The following TIMP2 variants were observed in gnomAD, a reference collection of about 807,000 sequenced individuals.
TIMP2 encodes TIMP metallopeptidase inhibitor 2.
Under a neutral mutation model 24.3 loss-of-function variants are expected in TIMP2, and 5 were observed. The observed-to-expected ratio is 0.21, with a 90% CI of 0.11 to 0.43. TIMP2 has a LOEUF of 0.43. TIMP2 is among the 20% of genes least tolerant of loss of function. The probability of loss-of-function intolerance (pLI) is 1.00; values close to 1 mark genes in which losing one functional copy is unlikely to be tolerated. For missense variants in TIMP2, 221 were observed against 297.5 expected (o/e 0.74, Z 1.89); for synonymous variants, 130 against 123.2 (o/e 1.06, Z -0.37).
intron 2 of TIMP2, among the ~76,000 whole-genome samples, chr17:78,873,575 G>T (rs1030109815): frequency 6.6e-6 from 1 of 152,228 alleles, no homozygotes; most frequent in East Asian, 1.9e-4. Context: ...TTACAGGTGT[G>T]AGCCGCAACG....
intron 1 of TIMP2, among the ~76,000 whole-genome samples, chr17:78,892,888 G>A (rs1872701216): frequency 6.6e-6 from 1 of 152,152 alleles, no homozygotes; most frequent in Admixed American, 6.5e-5. Context: ...CCACCCAAAG[G>A]GCAAGGGTTA....
At chr17:78,918,332 G>T (rs1028108645) in intron 1 of TIMP2, among the ~76,000 whole-genome samples, 10 of 152,190 alleles carry the variant, frequency 6.6e-5, no homozygotes, top group Admixed American at 4.6e-4. Flanking sequence ...GTTGTAAGGT[G>T]GGAATCATCG....
At position 78,913,749 on chromosome 17, in the gene TIMP2, G is replaced by A. The variant is rs529729496; in HGVS notation, c.130+11210C>T. Reference sequence around the variant, plus strand: ...CAAAAAAAAACAAAAAACATAGGCCGGGCACAGTGGCTCACACCTGTAATC... The same window carrying A: ...CAAAAAAAAACAAAAAACATAGGCCAGGCACAGTGGCTCACACCTGTAATC... On this transcript the variant is annotated intron_variant, in intron 1 of 4. Coordinates refer to ENST00000262768, the MANE Select transcript of TIMP2 (RefSeq NM_003255.5). 2.2e-4 allele frequency among the ~76,000 whole-genome samples: 33 copies of A among 151,590 alleles called. 1 individual carries two copies. In the South Asian group the frequency reaches 5.9e-3, roughly 27 times the overall value.
intron 1 of TIMP2, chr17:78,892,245 C>A: frequency 6.4e-7 from 1 of 1,550,942 alleles, no homozygotes; most frequent in South Asian, 1.2e-5. Context: ...TCGCCTTTGC[C>A]CCGGGCTTGT....
intron 1 of TIMP2, chr17:78,901,913 T>C: frequency 1.6e-6 from 1 of 625,408 alleles, no homozygotes; most frequent in South Asian, 1.8e-5. Context: ...TTGTAGGTAG[T>C]GAGACGCCCA....
In TIMP2 at chr17:78,891,077, T is replaced by G. The variant is rs1252296529; in HGVS notation, c.131-17158A>C. The G allele has an allele frequency of 1.3e-6, 2 of 1,550,984 alleles. No individual in the cohort carries two copies. The highest frequency in any genetic ancestry group is 2.0e-5 in the Admixed American group (1 of 51,008). ...GGAGCCCTCTGCCAGCGTGCCCAGT[T>G]TGGGGGTCTCTTGTCCAGATTCAGT... On this transcript the variant is annotated intron_variant, in intron 1 of 4. Transcript: ENST00000262768. This position sits in a 1 kb window ranked among gnomAD's most constrained non-coding sequence, Gnocchi z 4.5.
At position 78,924,512 on chromosome 17, in the gene TIMP2, C is replaced by T. The variant is rs1412614144; in HGVS notation, c.130+447G>A. Among the ~76,000 whole-genome samples the T allele has an allele frequency of 6.6e-6, 1 of 152,180 alleles. No homozygotes were observed. Among genetic ancestry groups the T allele is most frequent in the Non-Finnish European group, 1.5e-5 (1 of 68,030 alleles). ...GGTGGGAGAAGCCCCAGCAGAGAAG[C>T]CCTTCCCCACCCAGCCCCAAGCCCA... On this transcript the variant is annotated intron_variant, in intron 1 of 4. Transcript: ENST00000262768. This position sits in a 1 kb window ranked among gnomAD's most constrained non-coding sequence, Gnocchi z 5.3.
chr17:78,896,494 C>A lies in TIMP2; in HGVS notation c.131-22575G>T, dbSNP rs952376399. Among the ~76,000 whole-genome samples the A allele has an allele frequency of 6.6e-6, 1 of 152,150 alleles. No individual in the cohort carries two copies. Among genetic ancestry groups the A allele is most frequent in the Non-Finnish European group, 1.5e-5 (1 of 68,026 alleles). On this transcript the variant is annotated intron_variant, in intron 1 of 4. Transcript: ENST00000262768. This position sits in a 1 kb window ranked among gnomAD's most constrained non-coding sequence, Gnocchi z 4.4. ...ACAGCTCCCCTCCCAGAGGCACCTGCCCTCTCTGGTTGCTTAGAATATTCT... is the reference window on the plus strand; with the variant it reads ...ACAGCTCCCCTCCCAGAGGCACCTGACCTCTCTGGTTGCTTAGAATATTCT...
Position 78,870,991 on chromosome 17 carries a change from C to G in TIMP2, c.247G>C (p.Glu83Gln). ...GTGTAGATAAACTCTATATCCTTCT[C>G]AGGCCCTTTGAACATCTGGAAAGAC... is the stretch of plus-strand genomic sequence containing the variant. ...IKQIKMFKGP[E>Q]KDIEFIYTAP... Residue 83 changes from glutamate to glutamine, a missense_variant, in exon 3 of 5, where the codon GAG becomes CAG. Glu to Gln is a conservative substitution (Grantham distance 29). Transcript: ENST00000262768. 3 of 1,612,744 alleles carry G rather than the reference C, an allele frequency of 1.9e-6. No individual in the cohort carries two copies. The highest frequency in any genetic ancestry group is 2.5e-6 in the Non-Finnish European group (3 of 1,179,394).
rs2070003926 is a variant in TIMP2, at chr17:78,896,615, C to T, written c.131-22696G>A. Among the ~76,000 whole-genome samples, 1 of 152,180 alleles carries T rather than the reference C, an allele frequency of 6.6e-6. No homozygotes were observed. Among genetic ancestry groups the T allele is most frequent in the Non-Finnish European group, 1.5e-5 (1 of 68,026 alleles). On this transcript the variant is annotated intron_variant, in intron 1 of 4. Transcript: ENST00000262768. The surrounding 1 kb of genome is among the most constrained non-coding windows in gnomAD (Gnocchi z 4.4). ...TTTGGTGTTTTCTACTCCCCTGCTGCCCTCTGGTCCTGCCACCCCGAGCTG... is the reference window on the plus strand; with the variant it reads ...TTTGGTGTTTTCTACTCCCCTGCTGTCCTCTGGTCCTGCCACCCCGAGCTG...
In TIMP2 at chr17:78,891,921, G is replaced by A. The variant is rs767256502; in HGVS notation, c.131-18002C>T. The A allele has an allele frequency of 3.3e-5, 51 of 1,550,376 alleles. No homozygotes were observed. The highest frequency in any genetic ancestry group is 2.2e-4 in the African/African-American group (16 of 73,024). ...TTCTCTGGACTCGCTGCTGTCTTCC[G>A]GGGCCTGGAGTGCCTGGGGTGTTGC... On this transcript the variant is annotated intron_variant, in intron 1 of 4. Transcript: ENST00000262768. The surrounding 1 kb of genome is among the most constrained non-coding windows in gnomAD (Gnocchi z 4.5).
Position 78,898,815 on chromosome 17 carries a change from G to A in TIMP2, c.131-24896C>T, listed in dbSNP as rs191403083. On this transcript the variant is annotated intron_variant, in intron 1 of 4. Coordinates refer to ENST00000262768, the MANE Select transcript of TIMP2 (RefSeq NM_003255.5). ...TGCAGTGGTGCAATCTCAGCTCACT[G>A]CAACCTCCCCCTCCTGGGTTCATGC... 3.4e-3 allele frequency: 511 copies of A among 152,300 alleles called. 8 individuals are homozygous for A. The highest frequency in any genetic ancestry group is 0.012 in the African/African-American group (494 of 41,516). The allele number at this position is 152,300 out of a possible 1,614,324, so 9.4% of individuals were successfully genotyped here.
At chr17:78,868,266 T>G (rs74548707) in intron 3 of TIMP2, among the ~76,000 whole-genome samples, 1 of 152,144 alleles carries the variant, frequency 6.6e-6, no homozygotes, top group African/African-American at 2.4e-5. Context: ...CTTTTTTTTT[T>G]GTGAGATGGG....
chr17:78,913,954 C>T (rs2145793821), intron 1 of TIMP2, among the ~76,000 whole-genome samples: 1 of 148,550 alleles, frequency 6.7e-6, no homozygotes, highest in Non-Finnish European at 1.5e-5. Flanking sequence ...ATTTTTCTTG[C>T]TTTTTGCTTA....
intron 1 of TIMP2, among the ~76,000 whole-genome samples, chr17:78,879,805 A>T (rs1262514221): frequency 1.3e-5 from 2 of 152,144 alleles, no homozygotes; most frequent in Non-Finnish European, 2.9e-5. Context: ...GGCTGAATTC[A>T]AAGCACACGC....
chr17:78,878,765 G>A lies in TIMP2; in HGVS notation c.131-4846C>T, dbSNP rs534806318. Among the ~76,000 whole-genome samples, 188 of 152,270 alleles carry A rather than the reference G, an allele frequency of 1.2e-3. 1 individual carries two copies. Among genetic ancestry groups the A allele is most frequent in the Non-Finnish European group, 2.3e-3 (158 of 68,022 alleles). ...GGAAGTGGGGGTGAGGGGCCTGGAGGAGCAGAGCCTGAGGGCATCTCCATC... is the reference window on the plus strand; with the variant it reads ...GGAAGTGGGGGTGAGGGGCCTGGAGAAGCAGAGCCTGAGGGCATCTCCATC... On this transcript the variant is annotated intron_variant, in intron 1 of 4. Transcript: ENST00000262768.
Position 78,891,567 on chromosome 17 carries a change from G to A in TIMP2, c.131-17648C>T. 6.4e-7 allele frequency: 1 copy of A among 1,550,834 alleles called. No individual in the cohort carries two copies. Among genetic ancestry groups the A allele is most frequent in the Non-Finnish European group, 8.7e-7 (1 of 1,147,062 alleles). ...TCCCTTCTGCAGCTGGAATCAGCTG[G>A]CCACAGCTGCCCGAGGTCTCTCAGC... On this transcript the variant is annotated intron_variant, in intron 1 of 4. Transcript: ENST00000262768. This position sits in a 1 kb window ranked among gnomAD's most constrained non-coding sequence, Gnocchi z 4.5.
intron 1 of TIMP2, among the ~76,000 whole-genome samples, chr17:78,889,143 G>T (rs796200277): frequency 1.1e-4 from 16 of 152,322 alleles, no homozygotes; most frequent in African/African-American, 3.8e-4. Flanking sequence ...TAATTACCAC[G>T]GGGGCTGCAC....
intron 3 of TIMP2, among the ~76,000 whole-genome samples, chr17:78,863,620 G>A (rs1197391628): frequency 6.6e-6 from 1 of 152,146 alleles, no homozygotes; most frequent in Non-Finnish European, 1.5e-5. Flanking sequence ...CAGGTCCAGG[G>A]AGCAATGCCC....
Sources: gnomAD v4.1 joint callset for allele counts (sites outside exome capture counted in the v4.1 genomes callset) on GRCh38, gnomAD v4.1.1 for gene constraint, Gnocchi (gnomAD v3.1) non-coding constraint, MANE v1.5 for transcripts, NCBI Gene and HGNC (gene_info 2026-07-23, HGNC 2026-07-21) for gene names.